USP9X: variants seen among roughly 807,000 people sequenced by gnomAD.
USP9X encodes ubiquitin carboxyl-terminal hydrolase 9X.
In USP9X, 7 loss-of-function variants were observed where a neutral mutation model predicts 190.3. The observed-to-expected ratio is 0.04, with a 90% CI of 0.02 to 0.07. USP9X has a LOEUF of 0.07. Among genes scored for constraint, USP9X ranks in the 10% least tolerant of loss-of-function variants. The pLI is 1.00. For missense variants in USP9X, 1,010 were observed against 1,916.9 expected, an observed-to-expected ratio of 0.53 and a Z score of 8.83; for synonymous variants, 645 against 659.5, an observed-to-expected ratio of 0.98 and a Z score of 0.34.
At chrX:41,188,193 C>A in intron 25 of USP9X, 76 bp downstream of exon 25, 1 of 988,325 alleles carries the variant, frequency 1.0e-6, no homozygotes, top group Non-Finnish European at 1.3e-6. Flanking sequence ...TTTTTATTAG[C>A]TTTGCTATTT....
At chrX:41,086,390 C>T (rs1210891876) in intron 1 of USP9X, among the ~76,000 whole-genome samples, 2 of 112,332 alleles carry the variant, frequency 1.8e-5, no homozygotes, top group South Asian at 3.7e-4. Context: ...CTCCCCCTTC[C>T]CGTCCTGTCT....
At chrX:41,163,364 T>C (rs928696256) in intron 15 of USP9X, among the ~76,000 whole-genome samples, 3 of 111,527 alleles carry the variant, frequency 2.7e-5, no homozygotes, top group African/African-American at 9.8e-5. Context: ...GGAAAAGGTT[T>C]ATTAAGATAA....
intron 11 of USP9X, among the ~76,000 whole-genome samples, chrX:41,148,146 G>T (rs1332504243): frequency 1.8e-5 from 2 of 111,206 alleles, no homozygotes; most frequent in Non-Finnish European, 3.8e-5. Flanking sequence ...TTTTAATTGG[G>T]TGTCTTCTAA....
In USP9X at chrX:41,100,813, A is replaced by G. The variant is rs190382256; in HGVS notation, c.-159+14704A>G. ...TGGTGCCCACCACCACGCCCAGCTA[A>G]TTTTTGTATTTTTAGTAGAGATGGG... is the stretch of plus-strand genomic sequence containing the variant. On this transcript the variant is annotated intron_variant, in intron 1 of 44. Coordinates refer to ENST00000378308, the MANE Select transcript of USP9X (RefSeq NM_001039591.3). Among the ~76,000 whole-genome samples, 555 of 109,803 alleles carry G rather than the reference A, an allele frequency of 5.1e-3. 3 individuals are homozygous for G. The highest frequency in any genetic ancestry group is 0.033 in the Middle Eastern group (7 of 213).
chrX:41,115,242 G>GAA (rs56830972), intron 1 of USP9X, among the ~76,000 whole-genome samples: 22 of 75,320 alleles, frequency 2.9e-4, no homozygotes, highest in Non-Finnish European at 4.5e-4. Context: ...AAAAGAAAAA[G>GAA]AAAAAAAAAA....
chrX:41,143,506 TAC>T, intron 10 of USP9X, 63 bp downstream of exon 10: 2 of 1,008,314 alleles, frequency 2.0e-6, no homozygotes, highest in Non-Finnish European at 2.6e-6. Context: ...ACTGAAGAAA[TAC>T]AGTAGCTGTC....
At position 41,169,300 on chromosome X, in the gene USP9X, TAGTG is replaced by T. The variant is rs772649122; in HGVS notation, c.2637-691_2637-688del. Among the ~76,000 whole-genome samples the T allele has an allele frequency of 3.6e-4, 40 of 111,249 alleles. 1 individual carries two copies. The South Asian group carries it at 0.011, about 29-fold the overall frequency. ...AACCTTTTACATTTAAAAATAGTCT[TAGTG>T]AGTTGGGCTTTTACAGCATAAAAAT... On this transcript the variant is annotated intron_variant, in intron 18 of 44. Coordinates refer to ENST00000378308, the MANE Select transcript of USP9X (RefSeq NM_001039591.3).
At chrX:41,200,666 T>G (rs2063033839) in intron 30 of USP9X, among the ~76,000 whole-genome samples, 1 of 112,604 alleles carries the variant, frequency 8.9e-6, no homozygotes. Context: ...AATGTGTTGA[T>G]ATATTTAGAT....
chrX:41,205,681 A>C (rs1375677779), intron 32 of USP9X, among the ~76,000 whole-genome samples, 188 bp downstream of exon 32: 1 of 103,515 alleles, frequency 9.7e-6, no homozygotes, highest in Non-Finnish European at 2.0e-5. Flanking sequence ...AGAAACTGCC[A>C]TAGTAAGTAA....
rs971821495 is a variant in USP9X at position 41,108,960 on chromosome X, A to T, written c.-158-14511A>T. 3.2e-4 allele frequency among the ~76,000 whole-genome samples: 35 copies of T among 110,944 alleles called. 2 individuals are homozygous for T. Among genetic ancestry groups the T allele is most frequent in the East Asian group, 2.6e-3 (9 of 3,524 alleles). On this transcript the variant is annotated intron_variant, in intron 1 of 44. Transcript: ENST00000378308. ...GGTGCAATAGAGCCTGTGCAACTCA[A>T]AGTTGGGGGTGTTGAGAAATGCTGC...
At chrX:41,171,607 G>A in intron 20 of USP9X, 1 of 419,002 alleles carries the variant, frequency 2.4e-6, no homozygotes, top group Non-Finnish European at 4.3e-6. Flanking sequence ...TGGTTTAATA[G>A]AACAGGAGAG....
At chrX:41,128,095 G>A (rs2062272180) in intron 2 of USP9X, among the ~76,000 whole-genome samples, 1 of 111,916 alleles carries the variant, frequency 8.9e-6, no homozygotes, top group Admixed American at 9.5e-5. Context: ...TGAAAGTGAT[G>A]TTACTTATTT....
At chrX:41,206,093 T>C (rs906277808) in intron 32 of USP9X, among the ~76,000 whole-genome samples, 10 of 110,156 alleles carry the variant, frequency 9.1e-5, no homozygotes, top group Non-Finnish European at 1.9e-5. Flanking sequence ...GGTTTTACCA[T>C]GTTGGCCCAG....
intron 18 of USP9X, among the ~76,000 whole-genome samples, chrX:41,169,430 A>G (rs1183566589): frequency 1.8e-5 from 2 of 111,923 alleles, no homozygotes; most frequent in African/African-American, 6.5e-5. Flanking sequence ...ATGTTTTTAA[A>G]TATTATTTAT....
At chrX:41,090,332 C>CTT (rs1417452486) in intron 1 of USP9X, among the ~76,000 whole-genome samples, 1 of 111,678 alleles carries the variant, frequency 9.0e-6, no homozygotes, top group African/African-American at 3.3e-5. Context: ...ACTTCTAACA[C>CTT]TTACCTATAT....
intron 9 of USP9X, among the ~76,000 whole-genome samples, chrX:41,142,014 A>T (rs1386032039): frequency 9.0e-6 from 1 of 111,565 alleles, no homozygotes; most frequent in Non-Finnish European, 1.9e-5. Flanking sequence ...TTGAATGTAT[A>T]TGTGTAACAG....
At chrX:41,093,184 A>G (rs765239657) in intron 1 of USP9X, among the ~76,000 whole-genome samples, 18 of 111,584 alleles carry the variant, frequency 1.6e-4, no homozygotes, top group Non-Finnish European at 1.5e-4. Flanking sequence ...TTGATACACT[A>G]TATGTTAACA....
Position 41,148,449 on chromosome X carries a change from T to C in USP9X, c.1500T>C (p.Asp500=). ...LIRRLAEDDK[D]GVMAHKVLNL... The stretch of plus-strand genomic sequence containing the variant: ...GTCGTCTTGCAGAAGATGATAAAGA[T>C]GGTGTGATGGCACACAAAGTGTTGA... The change falls in exon 12 of 45, where the codon GAT becomes GAC. Residue 500 remains aspartate, a synonymous_variant. Transcript: ENST00000378308. 8.3e-7 allele frequency: 1 copy of C among 1,212,074 alleles called. No individual in the cohort carries two copies. Among genetic ancestry groups the C allele is most frequent in the Non-Finnish European group, 1.1e-6 (1 of 895,603 alleles).
intron 39 of USP9X, among the ~76,000 whole-genome samples, chrX:41,223,603 A>G (rs1248679115): frequency 9.0e-6 from 1 of 110,552 alleles, no homozygotes; most frequent in East Asian, 2.8e-4. Context: ...ACGCCCGGCT[A>G]ATTTTGTATT....
Sources: allele counts gnomAD v4.1 joint callset (sites outside exome capture counted in the v4.1 genomes callset), GRCh38; gene constraint gnomAD v4.1.1; transcripts MANE v1.5; gene names NCBI Gene and HGNC (gene_info 2026-07-23, HGNC 2026-07-21).